NRCAM: variants seen among roughly 807,000 people sequenced by gnomAD.
NRCAM encodes neuronal cell adhesion molecule.
A neutral mutation model predicts 156.5 loss-of-function variants in NRCAM; 83 were observed. The ratio of observed to expected loss-of-function variants is 0.53; its 90% confidence interval spans 0.44 to 0.64. NRCAM has a LOEUF of 0.64. Among genes scored for constraint, NRCAM ranks in the 30% least tolerant of loss-of-function variants. The pLI is 0.00. For synonymous variants in NRCAM, 538 were observed against 563.9 expected (o/e 0.95, Z 0.65); for missense variants, 1,417 against 1,597.3 (o/e 0.89, Z 1.92).
chr7:108,408,012 T>C (rs1790563340), intron 1 of NRCAM, among the ~76,000 whole-genome samples: 1 of 152,212 alleles, frequency 6.6e-6, no homozygotes, highest in South Asian at 2.1e-4. Flanking sequence ...TCTTTCCAAA[T>C]TTAAATTGAT....
Position 108,180,214 on chromosome 7 carries a change from A to G in NRCAM, c.2851+9T>C. 1 of 1,613,418 alleles carries G rather than the reference A, an allele frequency of 6.2e-7. No individual in the cohort carries two copies. The highest frequency in any genetic ancestry group is 8.5e-7 in the Non-Finnish European group (1 of 1,179,594). ...TTCCTGAGATCTTAGAGACACGTCC[A>G]TTCCATACCTCCTTCTGGAGTATTA... On this transcript the variant is annotated intron_variant, in intron 25 of 32. Transcript: ENST00000379028.
At chr7:108,245,945 C>T (rs1269639) in intron 3 of NRCAM, among the ~76,000 whole-genome samples, 60,333 of 151,924 alleles carry the variant, frequency 0.4, 14,296 homozygotes, top group East Asian at 0.83. Flanking sequence ...AATGATGAAG[C>T]ATAGTTAATG....
chr7:108,212,710 T>C (rs2085315543), intron 11 of NRCAM, among the ~76,000 whole-genome samples: 1 of 151,886 alleles, frequency 6.6e-6, no homozygotes, highest in South Asian at 2.1e-4. Context: ...GAGAAAAGAA[T>C]AGGAAAATAT....
In NRCAM at chr7:108,426,854, A is replaced by G. The variant is rs1817909036; in HGVS notation, c.-331-27261T>C. Among the ~76,000 whole-genome samples the G allele has an allele frequency of 3.3e-5, 5 of 152,226 alleles. 1 individual carries two copies. In the South Asian group the frequency reaches 1.0e-3, roughly 32 times the overall value. On this transcript the variant is annotated intron_variant, in intron 1 of 32. Coordinates refer to ENST00000379028, the MANE Select transcript of NRCAM (RefSeq NM_001037132.4). The stretch of plus-strand genomic sequence containing the variant: ...TGTGGGATGTTCAGATGATACATGC[A>G]TCCTGCTTACAGCTGGCAGTTTACT...
chr7:108,337,770 C>A (rs891938029), intron 2 of NRCAM, among the ~76,000 whole-genome samples: 8 of 152,014 alleles, frequency 5.3e-5, no homozygotes, highest in African/African-American at 1.9e-4. Context: ...AGCGGCCTGC[C>A]ACCATCTTGG....
intron 3 of NRCAM, among the ~76,000 whole-genome samples, chr7:108,263,236 T>G (rs1470585511): frequency 6.6e-6 from 1 of 152,242 alleles, no homozygotes; most frequent in Non-Finnish European, 1.5e-5. Context: ...CTGCTTTATT[T>G]CACTGCGTTC....
chr7:108,328,833 CT>C (rs2099097778), intron 2 of NRCAM, among the ~76,000 whole-genome samples: 1 of 152,146 alleles, frequency 6.6e-6, no homozygotes, highest in Non-Finnish European at 1.5e-5. Context: ...TTTCTTCTTT[CT>C]TTTTAAATCT....
intron 1 of NRCAM, among the ~76,000 whole-genome samples, chr7:108,406,319 T>A (rs542707773): frequency 6.6e-6 from 1 of 152,282 alleles, no homozygotes; most frequent in East Asian, 1.9e-4. Context: ...GGCTGACATG[T>A]AATAAGAACA....
chr7:108,427,054 CAG>C (rs1818219097), intron 1 of NRCAM, among the ~76,000 whole-genome samples: 1 of 152,170 alleles, frequency 6.6e-6, no homozygotes, highest in Non-Finnish European at 1.5e-5. Flanking sequence ...CTACTCAAGC[CAG>C]AGTTACTTAC....
At chr7:108,376,914 C>T (rs2099678237) in intron 2 of NRCAM, among the ~76,000 whole-genome samples, 1 of 152,152 alleles carries the variant, frequency 6.6e-6, no homozygotes, top group Non-Finnish European at 1.5e-5. Context: ...CCTGTAATCC[C>T]AGCACTTTGG....
intron 1 of NRCAM, among the ~76,000 whole-genome samples, chr7:108,439,860 G>C (rs1349318519): frequency 2.1e-5 from 3 of 143,638 alleles, no homozygotes; most frequent in Admixed American, 7.0e-5. Flanking sequence ...AAAAAGGACA[G>C]GCAATACTAA....
chr7:108,166,888 C>T (rs770042248), intron 30 of NRCAM, 33 bp downstream of exon 30: 20 of 1,605,980 alleles, frequency 1.2e-5, no homozygotes, highest in Admixed American at 3.4e-5. Flanking sequence ...CACCTCTGAG[C>T]GGGAGCCAGA....
chr7:108,184,391 C>G, intron 21 of NRCAM, 26 bp downstream of exon 21: 1 of 1,613,874 alleles, frequency 6.2e-7, no homozygotes, highest in Non-Finnish European at 8.5e-7. Flanking sequence ...ATTTCGTACC[C>G]TAGAAGTCCC....
At chr7:108,346,131 C>T (rs749709998) in intron 2 of NRCAM, among the ~76,000 whole-genome samples, 1 of 152,006 alleles carries the variant, frequency 6.6e-6, no homozygotes, top group Non-Finnish European at 1.5e-5. Context: ...GTGGGGGTGG[C>T]GAGGAGACAA....
At chr7:108,402,271 T>C (rs1291364637) in intron 1 of NRCAM, among the ~76,000 whole-genome samples, 1 of 152,236 alleles carries the variant, frequency 6.6e-6, no homozygotes, top group East Asian at 1.9e-4. Flanking sequence ...TACATTTACA[T>C]TGGGTAAATT....
At chr7:108,390,736 T>C (rs539922037) in intron 2 of NRCAM, among the ~76,000 whole-genome samples, 1 of 152,228 alleles carries the variant, frequency 6.6e-6, no homozygotes, top group Non-Finnish European at 1.5e-5. Context: ...CTCTACACAC[T>C]GCTTTAAATG....
chr7:108,207,500 G>C lies in NRCAM; in HGVS notation c.1207+28C>G, dbSNP rs138099429. ...TGTATATATGCTCTGAAAATATACT[G>C]CAATTAGAACCACTCAAGGCAACTT... On this transcript the variant is annotated intron_variant, in intron 13 of 32. Transcript: ENST00000379028. 8.7e-4 allele frequency: 1,405 copies of C among 1,607,504 alleles called. 18 individuals carry two copies. In the African/African-American group the frequency reaches 0.017, roughly 20 times the overall value.
intron 11 of NRCAM, among the ~76,000 whole-genome samples, chr7:108,213,104 C>A (rs907474531): frequency 3.3e-5 from 5 of 152,132 alleles, no homozygotes; most frequent in Non-Finnish European, 7.4e-5. Flanking sequence ...CCTCCACAAA[C>A]AAAACAATTA....
At chr7:108,350,741 C>CT (rs966983278) in intron 2 of NRCAM, among the ~76,000 whole-genome samples, 3 of 151,980 alleles carry the variant, frequency 2.0e-5, no homozygotes, top group African/African-American at 4.8e-5. Flanking sequence ...TATTGTTTTT[C>CT]TTTTTTTTCT....
Sources: gnomAD v4.1 joint callset for allele counts (sites outside exome capture counted in the v4.1 genomes callset) on GRCh38, gnomAD v4.1.1 for gene constraint, MANE v1.5 for transcripts, NCBI Gene and HGNC (gene_info 2026-07-23, HGNC 2026-07-21) for gene names.